Variants in PTPRB observed in about 807,000 individuals in gnomAD.
PTPRB encodes receptor-type tyrosine-protein phosphatase beta.
A neutral mutation model predicts 238.1 loss-of-function variants in PTPRB; 97 were observed. The observed-to-expected ratio is 0.41, with a 90% confidence interval of 0.35 to 0.48. The LOEUF is 0.48. Ranked by LOEUF, PTPRB falls within the 20% of genes least tolerant of loss-of-function variation. PTPRB has a pLI of 0.30. For missense variants in PTPRB, 2,292 were observed against 2,681.9 expected (o/e 0.85, Z 3.21); for synonymous variants, 970 against 995.4 (o/e 0.97, Z 0.48).
chr12:70,576,325 C>A, intron 11 of PTPRB, 57 bp downstream of exon 11: 2 of 1,558,968 alleles, frequency 1.3e-6, no homozygotes, highest in Non-Finnish European at 8.7e-7. Flanking sequence ...CTCTGTGGTG[C>A]CCTGAGCCAC....
intron 5 of PTPRB, 95 bp from the exon 6 acceptor site, chr12:70,594,819 C>T: frequency 7.1e-7 from 1 of 1,417,740 alleles, no homozygotes; most frequent in Non-Finnish European, 9.6e-7. Context: ...CATTTGTGTT[C>T]CTCTGTACAT....
rs563255681 is a variant in PTPRB at position 70,532,253 on chromosome 12, T to C, written c.6369-83A>G. On this transcript the variant is annotated intron_variant, in intron 31 of 33. Coordinates refer to ENST00000334414, the MANE Select transcript of PTPRB (RefSeq NM_001109754.4). ...GCATCTAGAGACTCTGGCACAATCT[T>C]TTTTTTCCCTTCCCAGTTATGGGAG... The C allele has an allele frequency of 2.1e-4, 306 of 1,423,544 alleles. 1 individual carries two copies. The highest frequency in any genetic ancestry group is 3.4e-4 in the Admixed American group (13 of 38,084). 88.2% of individuals were successfully genotyped at this position (1,423,544 alleles called of 1,614,324 possible).
intron 4 of PTPRB, 41 bp from the exon 5 acceptor site, chr12:70,596,368 A>G (rs993267367): frequency 1.5e-6 from 2 of 1,322,556 alleles, no homozygotes; most frequent in Non-Finnish European, 1.9e-6. Context: ...AAAAAAAAAG[A>G]AAGAAAAAGA....
chr12:70,636,731 A>G (rs1207107885), intron 1 of PTPRB, among the ~76,000 whole-genome samples: 2 of 152,172 alleles, frequency 1.3e-5, no homozygotes, highest in African/African-American at 2.4e-5. Context: ...CAATATCTAC[A>G]GTTTTCTCTC....
Position 70,571,160 on chromosome 12 carries a change from A to G in PTPRB, c.3236T>C (p.Phe1079Ser). ...GGTATTTACAAGGTGAAAAGGAGGA[A>G]ATACTTTCATGTCATTGAAGAGCAG... is the stretch of plus-strand genomic sequence containing the variant. ...IQLLFNDMKV[F>S]PPFHLVNTAT... The change falls in exon 13 of 34, where the codon TTT becomes TCT. Residue 1079 changes from phenylalanine (F) to serine (S), a missense_variant. Around this residue, in one of 4 missense-constraint regions of PTPRB, gnomAD observed 1,205 missense variants for 1,287.8 expected, o/e 0.94. Transcript: ENST00000334414. 1 of 1,613,996 alleles carries G rather than the reference A, an allele frequency of 6.2e-7. No individual in the cohort carries two copies. Among genetic ancestry groups the G allele is most frequent in the Non-Finnish European group, 8.5e-7 (1 of 1,179,884 alleles).
In PTPRB at chr12:70,591,125, C is replaced by T. The variant is rs557909689; in HGVS notation, c.1781-892G>A. Among the ~76,000 whole-genome samples, 142 of 145,696 alleles carry T rather than the reference C, an allele frequency of 9.7e-4. 1 individual carries two copies. Among genetic ancestry groups the T allele is most frequent in the African/African-American group, 3.5e-3 (138 of 39,374 alleles). On this transcript the variant is annotated intron_variant, in intron 7 of 33. Transcript: ENST00000334414. ...AATTTTTTTTTTTTTTTTGTAGAGA[C>T]GAGGTCTCATTATGTTGCTGAGGTT...
chr12:70,535,072 C>T, intron 29 of PTPRB, 117 bp from the exon 30 acceptor site: 1 of 1,182,770 alleles, frequency 8.5e-7, no homozygotes, highest in Non-Finnish European at 1.2e-6. Flanking sequence ...GCTGCTAAAG[C>T]AATTTGACCA....
intron 7 of PTPRB, chr12:70,591,885 C>A: frequency 5.2e-6 from 1 of 191,244 alleles, no homozygotes; most frequent in South Asian, 1.1e-4. Context: ...AACAATAGTA[C>A]AGTAATTTAC....
At chr12:70,605,467 G>A (rs1259207580) in intron 4 of PTPRB, among the ~76,000 whole-genome samples, 4 of 152,066 alleles carry the variant, frequency 2.6e-5, no homozygotes, top group Non-Finnish European at 5.9e-5. Flanking sequence ...CCATGTATTA[G>A]ATGCCATTTA....
Position 70,563,781 on chromosome 12 carries a change from T to C in PTPRB, c.3905-674A>G, listed in dbSNP as rs1191274152. ...TCTCTCCTCCTTCTTCTATCTCAAT[T>C]AATGGCATCATCTTCTACCAGACAT... is the stretch of plus-strand genomic sequence containing the variant. On this transcript the variant is annotated intron_variant, in intron 15 of 33. Coordinates refer to ENST00000334414, the MANE Select transcript of PTPRB (RefSeq NM_001109754.4). 2.0e-5 allele frequency among the ~76,000 whole-genome samples: 3 copies of C among 152,132 alleles called. No homozygotes were observed. In the East Asian group the frequency reaches 5.8e-4, roughly 29 times the overall value.
chr12:70,602,916 C>T (rs942213857), intron 4 of PTPRB, among the ~76,000 whole-genome samples: 1 of 152,140 alleles, frequency 6.6e-6, no homozygotes, highest in Non-Finnish European at 1.5e-5. Context: ...TATACACATT[C>T]ATACATATAG....
intron 20 of PTPRB, among the ~76,000 whole-genome samples, chr12:70,554,483 A>G (rs1163116215): frequency 1.3e-5 from 2 of 152,240 alleles, no homozygotes; most frequent in Non-Finnish European, 2.9e-5. Context: ...ACAAATGCTG[A>G]TATAATAAGC....
chr12:70,528,804 A>G (rs1242115720), intron 32 of PTPRB, among the ~76,000 whole-genome samples: 1 of 152,232 alleles, frequency 6.6e-6, no homozygotes, highest in East Asian at 1.9e-4. Flanking sequence ...TAAAAAATAT[A>G]AGAAGTCAGC....
chr12:70,551,040 C>T (rs527924345), intron 21 of PTPRB, among the ~76,000 whole-genome samples: 17 of 152,268 alleles, frequency 1.1e-4, no homozygotes, highest in South Asian at 8.3e-4. Flanking sequence ...GGATTACAGG[C>T]GTGCACCACC....
At chr12:70,530,995 G>A (rs970932759) in intron 32 of PTPRB, among the ~76,000 whole-genome samples, 2 of 152,228 alleles carry the variant, frequency 1.3e-5, no homozygotes, top group Non-Finnish European at 2.9e-5. Flanking sequence ...AGAGGTTCCT[G>A]CCTGCAGGAG....
chr12:70,540,676 T>C (rs1359340628), intron 23 of PTPRB, 182 bp downstream of exon 23: 8 of 584,244 alleles, frequency 1.4e-5, no homozygotes. Context: ...CAATGGGATA[T>C]AAAAGAGCTG....
chr12:70,558,755 G>C (rs1313291261), intron 18 of PTPRB: 1 of 157,780 alleles, frequency 6.3e-6, no homozygotes, highest in Non-Finnish European at 1.4e-5. Flanking sequence ...AAATTGAGTG[G>C]CTCCAGTTGG....
At chr12:70,626,292 CATCCATCTATCTATCTATCTATCTATCT>C (rs1204851958) in intron 2 of PTPRB, among the ~76,000 whole-genome samples, 15 of 115,764 alleles carry the variant, frequency 1.3e-4, no homozygotes, top group African/African-American at 2.8e-4. Flanking sequence ...GATGTCTATC[CATCCATCTATCTATCTATCTATCTATCT>C]ATCTATCTAT....
intron 9 of PTPRB, among the ~76,000 whole-genome samples, chr12:70,582,586 T>C (rs568259982): frequency 1.3e-5 from 2 of 152,112 alleles, no homozygotes; most frequent in South Asian, 2.1e-4. Flanking sequence ...TTTCAATACA[T>C]AGAGGTAGAA....
Sources: gnomAD v4.1 joint callset for allele counts (sites outside exome capture counted in the v4.1 genomes callset) on GRCh38, gnomAD v4.1.1 for gene constraint, gnomAD v4.1.1 regional missense constraint, MANE v1.5 for transcripts, NCBI Gene and HGNC (gene_info 2026-07-23, HGNC 2026-07-21) for gene names.